Variants in SIN3B observed in about 807,000 individuals in gnomAD.
SIN3B encodes the protein SIN3 transcription regulator family member B.
Under a neutral mutation model 120.2 loss-of-function variants are expected in SIN3B, and 19 were observed. The ratio of observed to expected loss-of-function variants is 0.16; its 90% confidence interval spans 0.11 to 0.23. SIN3B has a LOEUF of 0.23. SIN3B is among the 10% of genes least tolerant of loss of function. The pLI is 1.00. For missense variants in SIN3B, 1,073 were observed against 1,573.0 expected, an observed-to-expected ratio of 0.68 and a Z score of 5.38; for synonymous variants, 654 against 653.2, an observed-to-expected ratio of 1.00 and a Z score of -0.02.
At position 16,862,470 on chromosome 19, in the gene SIN3B, T is replaced by C. The variant is rs780156941; in HGVS notation, c.1177T>C (p.Ser393Pro). Residue 393 changes from serine (S) to proline (P), a missense_variant, in exon 9 of 19, where the codon TCC (serine) becomes CCC (proline). Transcript: ENST00000248054. This position sits in a 1 kb window ranked among gnomAD's most constrained non-coding sequence, Gnocchi z 4.7. ...DGISREIDYA[S>P]CKRIGSSYRA... ...GATAAGCCGGGAAATTGATTATGCA[T>C]CCTGCAAGCGCATAGGATCCAGCTA... The C allele has an allele frequency of 6.2e-7, 1 of 1,614,014 alleles. No individual in the cohort carries two copies. Among genetic ancestry groups the C allele is most frequent in the African/African-American group, 1.3e-5 (1 of 74,894 alleles).
rs1324067766 is a variant in SIN3B at position 16,842,337 on chromosome 19, A to AAACG, written c.582+371_582+374dup. ...AGGCTGGTCTTGAACTCCTGAACTCAAACGACCCATCCACCTCAGCCTCCC... is the reference window on the plus strand; with the variant it reads ...AGGCTGGTCTTGAACTCCTGAACTCAAACGAACGACCCATCCACCTCAGCCTCCC... On this transcript the variant is annotated intron_variant, in intron 4 of 18. Coordinates refer to ENST00000248054, the MANE Select transcript of SIN3B (RefSeq NM_001297595.2). Among the ~76,000 whole-genome samples the AAACG allele has an allele frequency of 2.0e-5, 3 of 151,750 alleles. No individual in the cohort carries two copies. In the East Asian group the frequency reaches 5.8e-4, roughly 30 times the overall value.
intron 8 of SIN3B, chr19:16,855,370 T>TCCCCCCCCCCC (rs56055685): frequency 3.8e-5 from 2 of 52,966 alleles, no homozygotes; most frequent in Non-Finnish European, 3.6e-5. Context: ...GGAGAAACCT[T>TCCCCCCCCCCC]CCCCCCCCCC....
intron 6 of SIN3B, 35 bp downstream of exon 6, chr19:16,851,569 C>T (rs372007786): frequency 1.6e-5 from 24 of 1,543,648 alleles, no homozygotes; most frequent in Non-Finnish European, 2.0e-5. Flanking sequence ...TGCCTGCACG[C>T]GGGGCCCCCA....
chr19:16,839,157 G>T (rs111628557), intron 3 of SIN3B, among the ~76,000 whole-genome samples: 2 of 151,006 alleles, frequency 1.3e-5, no homozygotes, highest in African/African-American at 4.9e-5. Flanking sequence ...TAGTGGAGAC[G>T]GGGTTTTGCA....
intron 5 of SIN3B, among the ~76,000 whole-genome samples, chr19:16,848,605 G>C (rs2095667834): frequency 6.6e-6 from 1 of 152,094 alleles, no homozygotes; most frequent in African/African-American, 2.4e-5. Context: ...AGGCTCAGGT[G>C]ATCCTCCCAC....
At chr19:16,855,697 G>C (rs1971606159) in intron 8 of SIN3B, 1 of 152,192 alleles carries the variant, frequency 6.6e-6, no homozygotes, top group Non-Finnish European at 1.5e-5. Flanking sequence ...CTCCAGCCTG[G>C]GTGGCGACAA....
At position 16,862,548 on chromosome 19, in the gene SIN3B, A is replaced by G. The variant is rs1971703527; in HGVS notation, c.1255A>G (p.Ile419Val). 6.2e-7 allele frequency: 1 copy of G among 1,613,338 alleles called. No individual in the cohort carries two copies. The change falls in exon 9 of 19, where the codon ATC becomes GTC. Residue 419 changes from isoleucine (I) to valine (V), a missense_variant. Ile to Val is a conservative substitution (Grantham distance 29, BLOSUM62 3). Coordinates refer to ENST00000248054, the MANE Select transcript of SIN3B (RefSeq NM_001297595.2). The surrounding 1 kb of genome is among the most constrained non-coding windows in gnomAD (Gnocchi z 4.7). Reference protein sequence around the residue: ...QQPKCSGRTAICKEVLNDTWV... With the variant: ...QQPKCSGRTAVCKEVLNDTWV... ...GCCCAAGTGCAGTGGGAGGACAGCC[A>G]TCTGCAAGGAGGTAGCGCTCCCTGG...
intron 4 of SIN3B, 66 bp from the exon 5 acceptor site, chr19:16,846,904 T>C: frequency 6.5e-7 from 1 of 1,535,296 alleles, no homozygotes; most frequent in South Asian, 1.2e-5. Context: ...GCTGCCTGAG[T>C]GTCCCGGCCC....
intron 5 of SIN3B, among the ~76,000 whole-genome samples, chr19:16,849,757 A>G (rs1001725167): frequency 3.9e-5 from 6 of 152,172 alleles, no homozygotes; most frequent in African/African-American, 1.4e-4. Flanking sequence ...ATGGTCGCCC[A>G]GCTGCATCTT....
In SIN3B at chr19:16,876,078, C is replaced by G. The variant is rs139002895; in HGVS notation, c.2616C>G (p.Asp872Glu). 11 of 1,575,408 alleles carry G rather than the reference C, an allele frequency of 7.0e-6. No homozygotes were observed. The African/African-American group carries it at 1.5e-4, about 21-fold the overall frequency. ...AGCTGCACCACCTCGTGAGCGATGA[C>G]GTCTGCCTGAAGGTGGTGGAGCTCT... ...ARQLHHLVSDDVCLKVVELYL... is the reference protein window; with the variant it reads ...ARQLHHLVSDEVCLKVVELYL... Residue 872 changes from aspartate (D) to glutamate (E), a missense_variant, in exon 15 of 19, where the codon GAC becomes GAG. Transcript: ENST00000248054. The surrounding 1 kb of genome is among the most constrained non-coding windows in gnomAD (Gnocchi z 7.1).
chr19:16,862,646 G>A lies in SIN3B; in HGVS notation c.1266+87G>A. The A allele has an allele frequency of 7.6e-7, 1 of 1,316,448 alleles. No homozygotes were observed. Among genetic ancestry groups the A allele is most frequent in the Non-Finnish European group, 1.1e-6 (1 of 929,196 alleles). The allele number at this position is 1,316,448 out of a possible 1,614,324, so 81.5% of individuals were successfully genotyped here. On this transcript the variant is annotated intron_variant, in intron 9 of 18. Transcript: ENST00000248054. This position sits in a 1 kb window ranked among gnomAD's most constrained non-coding sequence, Gnocchi z 4.7. ...AACACCCGATACCCCCGTTATGAAT[G>A]AAATGCTGTGTGCTCAGCCCTCCTG...
At chr19:16,841,660 T>A in intron 3 of SIN3B, 108 bp from the exon 4 acceptor site, 1 of 1,050,630 alleles carries the variant, frequency 9.5e-7, no homozygotes, top group South Asian at 1.4e-5. Flanking sequence ...ACAGCTTGGC[T>A]CCGTGCTGAG....
intron 3 of SIN3B, among the ~76,000 whole-genome samples, chr19:16,837,897 C>T (rs745721745): frequency 6.6e-6 from 1 of 152,040 alleles, no homozygotes; most frequent in Admixed American, 6.6e-5. Flanking sequence ...TGTGTCTGTG[C>T]GGTGCCTGCC....
At chr19:16,837,268 G>A (rs1971360476) in intron 3 of SIN3B, among the ~76,000 whole-genome samples, 1 of 152,086 alleles carries the variant, frequency 6.6e-6, no homozygotes, top group South Asian at 2.1e-4. Flanking sequence ...CTGGGAGGCG[G>A]TTCTGCTGCT....
At chr19:16,875,689 T>C (rs894008489) in intron 14 of SIN3B, among the ~76,000 whole-genome samples, 1 of 150,432 alleles carries the variant, frequency 6.6e-6, no homozygotes, top group African/African-American at 2.4e-5. Context: ...TGGTCTGGTC[T>C]GGTCTGGTCG....
rs1213935583 is a variant in SIN3B, at chr19:16,865,623, A to G, written c.1597A>G (p.Thr533Ala). Residue 533 changes from threonine (T) to alanine (A), a missense_variant, in exon 11 of 19, where the codon ACC (threonine) becomes GCC (alanine). Thr to Ala is a moderately conservative substitution (Grantham distance 58). Around this residue, in one of 7 missense-constraint regions of SIN3B, gnomAD observed 118 missense variants for 281.6 expected, o/e 0.42. Coordinates refer to ENST00000248054, the MANE Select transcript of SIN3B (RefSeq NM_001297595.2). ...CGAGAGCCTCAAGAAGAACCCTGTCACCGCTGTCCCCGTTGTCCTGAAAAG... is the reference window on the plus strand; with the variant it reads ...CGAGAGCCTCAAGAAGAACCCTGTCGCCGCTGTCCCCGTTGTCCTGAAAAG... ...IIESLKKNPV[T>A]AVPVVLKRLK... is the part of the protein sequence containing the mutation. 11 of 1,608,818 alleles carry G rather than the reference A, an allele frequency of 6.8e-6. 1 individual carries two copies. The Admixed American group carries it at 1.7e-4, about 25-fold the overall frequency.
At chr19:16,878,047 C>G in intron 17 of SIN3B, 136 bp from the exon 18 acceptor site, 1 of 725,178 alleles carries the variant, frequency 1.4e-6, no homozygotes, top group Non-Finnish European at 2.2e-6. Flanking sequence ...TTTCTTGTTG[C>G]TTCCATTTGC....
intron 9 of SIN3B, chr19:16,863,226 C>G: frequency 1.9e-6 from 1 of 532,986 alleles, no homozygotes; most frequent in Non-Finnish European, 3.3e-6. Context: ...AGTTCCTCAT[C>G]TGTGGTTTCA....
chr19:16,851,858 C>T (rs1971550595), intron 6 of SIN3B, among the ~76,000 whole-genome samples: 1 of 152,230 alleles, frequency 6.6e-6, no homozygotes, highest in Non-Finnish European at 1.5e-5. Flanking sequence ...CCGCCATGTA[C>T]GTTTGTTCAG....
Sources: gnomAD v4.1 joint callset for allele counts (sites outside exome capture counted in the v4.1 genomes callset) on GRCh38, gnomAD v4.1.1 for gene constraint, gnomAD v4.1.1 regional missense constraint, Gnocchi (gnomAD v3.1) non-coding constraint, MANE v1.5 for transcripts, NCBI Gene and HGNC (gene_info 2026-07-23, HGNC 2026-07-21) for gene names.